Variants in GRAMD4 observed in about 807,000 individuals in gnomAD.
The protein encoded by GRAMD4 is GRAM domain-containing protein 4.
GRAMD4 carries 25 observed loss-of-function variants against 83.9 expected under a neutral mutation model. The observed-to-expected ratio is 0.30, with a 90% CI of 0.22 to 0.42. GRAMD4 has a LOEUF of 0.42. GRAMD4 is among the 10% of genes least tolerant of loss of function. The pLI is 1.00. For missense variants in GRAMD4, 593 were observed against 788.7 expected, an observed-to-expected ratio of 0.75 and a Z score of 2.97; for synonymous variants, 336 against 320.9, an observed-to-expected ratio of 1.05 and a Z score of -0.50.
In GRAMD4 at chr22:46,626,848, G is replaced by A; in HGVS notation, c.49G>A (p.Asp17Asn). Residue 17 changes from aspartate (D) to asparagine (N), a missense_variant, in exon 2 of 19, where the codon GAC becomes AAC. By Grantham distance (23) the Asp-to-Asn change is conservative (BLOSUM62 1). Around this residue, in one of 4 missense-constraint regions of GRAMD4, gnomAD observed 312 missense variants for 350.7 expected, o/e 0.89. Coordinates refer to ENST00000406902, the MANE Select transcript of GRAMD4 (RefSeq NM_015124.5). The stretch of plus-strand genomic sequence containing the variant: ...CAGGTTCAGAGGTCACAAGAGAGAT[G>A]ACTTCCTCGATCTAGCGGAGTCTCC... ...KIRFRGHKRDDFLDLAESPNA... is the reference protein window; with the variant it reads ...KIRFRGHKRDNFLDLAESPNA... 1 of 1,613,874 alleles carries A rather than the reference G, an allele frequency of 6.2e-7. No individual in the cohort carries two copies. Among genetic ancestry groups the A allele is most frequent in the Non-Finnish European group, 8.5e-7 (1 of 1,179,726 alleles).
chr22:46,619,503 C>T (rs967937005), upstream of GRAMD4, among the ~76,000 whole-genome samples: 8 of 152,158 alleles, frequency 5.3e-5, no homozygotes, highest in Admixed American at 5.2e-4. Context: ...CACGCTGGCT[C>T]ATGTTCTTAT....
intron 1 of GRAMD4, among the ~76,000 whole-genome samples, chr22:46,595,520 G>T (rs1416489886): frequency 2.6e-5 from 4 of 152,230 alleles, no homozygotes; most frequent in Admixed American, 6.5e-5. Context: ...AGGTGCAGGG[G>T]TAGAGGATTC....
At chr22:46,576,436 CT>C (rs2081043054), upstream of GRAMD4, among the ~76,000 whole-genome samples, 4 of 152,192 alleles carry the variant, frequency 2.6e-5, no homozygotes, top group Non-Finnish European at 5.9e-5. Context: ...AGTGGGTCCC[CT>C]CTACGGGTGT....
rs1828640382 is a variant in GRAMD4, at chr22:46,675,572, C to T, written c.1563+20C>T. On this transcript the variant is annotated intron_variant, in intron 17 of 18. Coordinates refer to ENST00000406902, the MANE Select transcript of GRAMD4 (RefSeq NM_015124.5). ...CAGAAGGTTGGTGCACCTACCCACC[C>T]CCACTAACCCCCGTGTTTTCTTCGT... 3 of 1,456,196 alleles carry T rather than the reference C, an allele frequency of 2.1e-6. No individual in the cohort carries two copies. The highest frequency in any genetic ancestry group is 1.4e-5 in the African/African-American group (1 of 72,020). The allele number at this position is 1,456,196 out of a possible 1,614,324, so 90.2% of individuals were successfully genotyped here.
downstream of GRAMD4, among the ~76,000 whole-genome samples, chr22:46,682,673 C>T (rs2082676709): frequency 1.3e-5 from 2 of 152,226 alleles, no homozygotes; most frequent in Non-Finnish European, 2.9e-5. Flanking sequence ...ATCGCGAACA[C>T]CCCCCAAAAT....
chr22:46,668,270 T>A, intron 11 of GRAMD4, 103 bp downstream of exon 11: 1 of 740,452 alleles, frequency 1.4e-6, no homozygotes, highest in Non-Finnish European at 2.3e-6. Context: ...CGGCCTCCGC[T>A]GCTGCCTGGG....
At chr22:46,594,585 TG>T (rs11455830) in intron 1 of GRAMD4, among the ~76,000 whole-genome samples, 2 of 135,816 alleles carry the variant, frequency 1.5e-5, no homozygotes, top group Admixed American at 7.3e-5. Flanking sequence ...TCTGGTTGGG[TG>T]GGGGGGGTTA....
At chr22:46,635,906 C>T (rs1358559490) in intron 2 of GRAMD4, among the ~76,000 whole-genome samples, 3 of 151,974 alleles carry the variant, frequency 2.0e-5, no homozygotes, top group African/African-American at 2.4e-5. Context: ...AGAGAAACAG[C>T]CCAGGGCAGT....
At chr22:46,581,245 A>T (rs1331252445) in intron 1 of GRAMD4, among the ~76,000 whole-genome samples, 1 of 152,242 alleles carries the variant, frequency 6.6e-6, no homozygotes, top group Non-Finnish European at 1.5e-5. Flanking sequence ...GGCCTATCAA[A>T]AACATTAATA....
At chr22:46,649,229 G>C (rs1335829168) in intron 3 of GRAMD4, among the ~76,000 whole-genome samples, 3 of 152,206 alleles carry the variant, frequency 2.0e-5, no homozygotes, top group African/African-American at 7.2e-5. Flanking sequence ...CCCACACTCA[G>C]CAGGGAGCAG....
At chr22:46,583,754 G>T (rs1197825411) in intron 1 of GRAMD4, among the ~76,000 whole-genome samples, 1 of 152,108 alleles carries the variant, frequency 6.6e-6, no homozygotes. Flanking sequence ...GATGTGGCCC[G>T]CGGCTACTGG....
rs2082616676 is a variant in GRAMD4 at position 46,677,479 on chromosome 22, C to T, written c.*228C>T. On this transcript the variant is annotated 3_prime_UTR_variant, in exon 19 of 19. Coordinates refer to ENST00000406902, the MANE Select transcript of GRAMD4 (RefSeq NM_015124.5). ...CTCCCACAGGGCACGTCAGGTGCCT[C>T]TGAGGGCCACCCGCAGACTGGGGGA... The T allele has an allele frequency of 7.7e-7, 1 of 1,297,944 alleles. No homozygotes were observed. The highest frequency in any genetic ancestry group is 3.0e-5 in the East Asian group (1 of 33,798). 80.4% of individuals were successfully genotyped at this position (1,297,944 alleles called of 1,614,324 possible).
intron 1 of GRAMD4, among the ~76,000 whole-genome samples, chr22:46,586,414 C>G (rs1314785736): frequency 2.0e-4 from 30 of 152,004 alleles, no homozygotes; most frequent in Non-Finnish European, 5.9e-5. Flanking sequence ...CGGAGGGGCT[C>G]TGTCCCCTCC....
intron 2 of GRAMD4, among the ~76,000 whole-genome samples, chr22:46,636,672 ACACT>A (rs1569278772): frequency 6.6e-6 from 1 of 152,150 alleles, no homozygotes; most frequent in Admixed American, 6.5e-5. Context: ...CTGTGGTGGG[ACACT>A]CACTCGTGTG....
At chr22:46,586,975 C>G (rs2081156739) in intron 1 of GRAMD4, among the ~76,000 whole-genome samples, 1 of 152,148 alleles carries the variant, frequency 6.6e-6, no homozygotes. Context: ...GTCCCAGAAC[C>G]CACCCTCTTA....
chr22:46,596,139 C>T (rs1482714990), intron 1 of GRAMD4, among the ~76,000 whole-genome samples: 19 of 152,240 alleles, frequency 1.2e-4, no homozygotes, highest in Admixed American at 1.2e-3. Flanking sequence ...AGAGGGCTGC[C>T]TGGCGCAGTT....
upstream of GRAMD4, among the ~76,000 whole-genome samples, chr22:46,576,421 C>T (rs1242038393): frequency 6.6e-6 from 1 of 152,140 alleles, no homozygotes; most frequent in Non-Finnish European, 1.5e-5. Flanking sequence ...GATAGGTGGG[C>T]TTAGAGTGGG....
At chr22:46,664,361 C>T (rs1450482745) in intron 8 of GRAMD4, among the ~76,000 whole-genome samples, 1 of 152,224 alleles carries the variant, frequency 6.6e-6, no homozygotes, top group East Asian at 1.9e-4. Context: ...GCTCCCTGGA[C>T]AGGGATGTGG....
At chr22:46,586,102 C>A (rs997401893) in intron 1 of GRAMD4, among the ~76,000 whole-genome samples, 1 of 152,038 alleles carries the variant, frequency 6.6e-6, no homozygotes, top group African/African-American at 2.4e-5. Flanking sequence ...CTGGCTCCCC[C>A]AGTCTGGGAC....
Sources: gnomAD v4.1 joint callset for allele counts (sites outside exome capture counted in the v4.1 genomes callset) on GRCh38, gnomAD v4.1.1 for gene constraint, gnomAD v4.1.1 regional missense constraint, MANE v1.5 for transcripts, NCBI Gene and HGNC (gene_info 2026-07-23, HGNC 2026-07-21) for gene names.